EYA2: variants seen among roughly 807,000 people sequenced by gnomAD.
EYA2 encodes EYA transcriptional coactivator and phosphatase 2.
Under a neutral mutation model 69.2 loss-of-function variants are expected in EYA2, and 31 were observed. The observed-to-expected ratio is 0.45, with a 90% confidence interval of 0.34 to 0.60. The LOEUF is 0.60. Among genes scored for constraint, EYA2 ranks in the 20% least tolerant of loss-of-function variants. The pLI, the probability that EYA2 is intolerant of heterozygous loss-of-function variation, is 0.02. For missense variants in EYA2, 622 were observed against 701.2 expected (o/e 0.89, Z 1.28); for synonymous variants, 257 against 279.4 (o/e 0.92, Z 0.80).
chr20:47,134,272 A>G (rs1438205751), intron 9 of EYA2, among the ~76,000 whole-genome samples: 1 of 152,176 alleles, frequency 6.6e-6, no homozygotes, highest in Non-Finnish European at 1.5e-5. Context: ...GCTCCCTCAG[A>G]GCAAAAAAGC....
chr20:47,185,275 TC>T (rs2034614995), intron 15 of EYA2, among the ~76,000 whole-genome samples: 1 of 113,700 alleles, frequency 8.8e-6, no homozygotes, highest in African/African-American at 3.4e-5. Context: ...TGAATCACAC[TC>T]TTTTTTTTTT....
chr20:46,986,222 T>C (rs1288885790), intron 1 of EYA2, among the ~76,000 whole-genome samples: 2 of 151,174 alleles, frequency 1.3e-5, no homozygotes, highest in Non-Finnish European at 2.9e-5. Flanking sequence ...GATGCATGTA[T>C]ACGTGGGGAC....
At chr20:47,120,445 C>T (rs2033016071) in intron 9 of EYA2, among the ~76,000 whole-genome samples, 1 of 152,182 alleles carries the variant, frequency 6.6e-6, no homozygotes, top group African/African-American at 2.4e-5. Flanking sequence ...AAGAAAGAAT[C>T]TCCTTGGGTA....
In EYA2 at chr20:47,097,454, C is replaced by G. The variant is rs562114482; in HGVS notation, c.888+286C>G. Among the ~76,000 whole-genome samples, 3 of 152,340 alleles carry G rather than the reference C, an allele frequency of 2.0e-5. No individual in the cohort carries two copies. In the East Asian group the frequency reaches 5.8e-4, roughly 29 times the overall value. The stretch of plus-strand genomic sequence containing the variant: ...TTGTTGTCTTCAGCCGTCTCCCTTC[C>G]TAAGACAGTGGGCTATGGTGCAGCC... On this transcript the variant is annotated intron_variant, in intron 9 of 15. Coordinates refer to ENST00000327619, the MANE Select transcript of EYA2 (RefSeq NM_005244.5).
intron 5 of EYA2, among the ~76,000 whole-genome samples, chr20:47,060,851 C>CTTTT (rs35809050): frequency 8.0e-6 from 1 of 125,698 alleles, no homozygotes; most frequent in Non-Finnish European, 1.7e-5. Flanking sequence ...CTCTCTCTCT[C>CTTTT]TTTTTTTTTT....
intron 5 of EYA2, among the ~76,000 whole-genome samples, chr20:47,036,035 C>T (rs1179343933): frequency 3.3e-5 from 5 of 152,064 alleles, no homozygotes; most frequent in Admixed American, 3.3e-4. Context: ...ACAATGCTCA[C>T]GCTGAATGAG....
At chr20:46,977,288 AT>A (rs1159448974) in intron 1 of EYA2, among the ~76,000 whole-genome samples, 1 of 152,242 alleles carries the variant, frequency 6.6e-6, no homozygotes, top group Non-Finnish European at 1.5e-5. Flanking sequence ...ATTTACAAAT[AT>A]TTTTAGATGT....
intron 9 of EYA2, among the ~76,000 whole-genome samples, chr20:47,142,659 A>T (rs182947582): frequency 6.6e-6 from 1 of 152,376 alleles, no homozygotes; most frequent in African/African-American, 2.4e-5. Context: ...CCAGTAGTTT[A>T]TACTGAAATC....
intron 5 of EYA2, among the ~76,000 whole-genome samples, chr20:47,061,796 T>G (rs1287069817): frequency 2.6e-5 from 4 of 152,190 alleles, no homozygotes; most frequent in Non-Finnish European, 1.5e-5. Context: ...GCCAATTGCC[T>G]GTGGTGTGAG....
At chr20:47,033,718 C>G (rs923759233) in intron 5 of EYA2, among the ~76,000 whole-genome samples, 5 of 152,220 alleles carry the variant, frequency 3.3e-5, no homozygotes, top group East Asian at 1.9e-4. Context: ...ATGGCCAATA[C>G]AAGACTCTGC....
intron 10 of EYA2, among the ~76,000 whole-genome samples, chr20:47,151,534 G>T: frequency 6.6e-6 from 1 of 151,454 alleles, no homozygotes; most frequent in Non-Finnish European, 1.5e-5. Context: ...TTCTGCCCAC[G>T]CCATGCCCTC....
intron 1 of EYA2, among the ~76,000 whole-genome samples, chr20:46,904,704 C>G (rs146998498): frequency 6.6e-6 from 1 of 152,198 alleles, no homozygotes. Context: ...CTGCCAAAGA[C>G]GCACGGCCCC....
intron 6 of EYA2, among the ~76,000 whole-genome samples, chr20:47,073,709 T>C (rs76208725): frequency 0.011 from 1,727 of 152,144 alleles, 33 homozygotes; most frequent in African/African-American, 0.04. Flanking sequence ...AAGGGGCTTT[T>C]CTAGAACCAG....
chr20:47,057,288 A>G (rs945177682), intron 5 of EYA2, among the ~76,000 whole-genome samples: 4 of 152,190 alleles, frequency 2.6e-5, no homozygotes, highest in African/African-American at 9.7e-5. Flanking sequence ...GGGATGGGGC[A>G]GGGCTTGCCA....
At chr20:46,983,001 T>C (rs1456565541) in intron 1 of EYA2, among the ~76,000 whole-genome samples, 1 of 152,140 alleles carries the variant, frequency 6.6e-6, no homozygotes, top group African/African-American at 2.4e-5. Context: ...CTCAAACTCC[T>C]GCTTCAGGTG....
intron 1 of EYA2, among the ~76,000 whole-genome samples, chr20:46,909,059 A>G (rs138466193): frequency 6.6e-6 from 1 of 151,528 alleles, no homozygotes; most frequent in African/African-American, 2.4e-5. Flanking sequence ...GTTTTTCCTG[A>G]TCTCCGCTCA....
intron 9 of EYA2, chr20:47,117,605 C>T (rs2032936564): frequency 1.0e-6 from 1 of 985,258 alleles, no homozygotes; most frequent in African/African-American, 1.7e-5. Context: ...CGATAGGCGG[C>T]TTGGCCTGTC....
intron 9 of EYA2, among the ~76,000 whole-genome samples, chr20:47,139,952 A>G (rs1465359675): frequency 6.6e-6 from 1 of 152,166 alleles, no homozygotes; most frequent in African/African-American, 2.4e-5. Context: ...TCTTACAACT[A>G]TATAAATACT....
intron 1 of EYA2, among the ~76,000 whole-genome samples, chr20:46,941,375 C>T (rs1414785443): frequency 6.6e-6 from 1 of 152,202 alleles, no homozygotes; most frequent in Non-Finnish European, 1.5e-5. Context: ...AGTCGATTCC[C>T]GGCTCTTCTG....
Sources: allele counts gnomAD v4.1 joint callset (sites outside exome capture counted in the v4.1 genomes callset), GRCh38; gene constraint gnomAD v4.1.1; transcripts MANE v1.5; gene names NCBI Gene and HGNC (gene_info 2026-07-23, HGNC 2026-07-21).